Variants in ARID4A observed in about 807,000 individuals in gnomAD.
ARID4A encodes the protein AT-rich interaction domain 4A, also known as AT-rich interactive domain-containing protein 4A.
A neutral mutation model predicts 148.6 loss-of-function variants in ARID4A; 39 were observed. That is an observed-to-expected ratio of 0.26 (90% CI 0.20 to 0.34). ARID4A has a LOEUF of 0.34. Ranked by LOEUF, ARID4A falls within the 10% of genes least tolerant of loss-of-function variation. ARID4A has a pLI of 1.00. For synonymous variants in ARID4A, 475 were observed against 481.2 expected (o/e 0.99, Z 0.17); for missense variants, 1,265 against 1,449.1 (o/e 0.87, Z 2.06).
chr14:58,333,008 G>T (rs971810430), intron 11 of ARID4A, among the ~76,000 whole-genome samples: 2 of 152,078 alleles, frequency 1.3e-5, no homozygotes, highest in African/African-American at 4.8e-5. Flanking sequence ...TTAATAAGGA[G>T]ATTTGAGATT....
In ARID4A at chr14:58,339,683, G is replaced by A. The variant is rs933309989; in HGVS notation, c.907-5012G>A. On this transcript the variant is annotated intron_variant, in intron 11 of 23. Transcript: ENST00000355431. The stretch of plus-strand genomic sequence containing the variant: ...TGTCTCTGTATTACTCTGTTCTCAC[G>A]TTGTCATAAAGAACTTTGTTAGATT... Among the ~76,000 whole-genome samples the A allele has an allele frequency of 2.6e-5, 4 of 152,126 alleles. 1 individual carries two copies. The highest frequency in any genetic ancestry group is 4.2e-4 in the South Asian group (2 of 4,816).
At chr14:58,335,126 G>C (rs2033743944) in intron 11 of ARID4A, among the ~76,000 whole-genome samples, 1 of 152,020 alleles carries the variant, frequency 6.6e-6, no homozygotes, top group African/African-American at 2.4e-5. Context: ...GATCCTATTT[G>C]ACTGTTGAGT....
At chr14:58,322,857 G>T (rs1777796583) in intron 7 of ARID4A, among the ~76,000 whole-genome samples, 1 of 150,464 alleles carries the variant, frequency 6.6e-6, no homozygotes, top group Admixed American at 6.6e-5. Flanking sequence ...AGCTACTCAG[G>T]AGGCTGAGGC....
chr14:58,319,160 A>G (rs542173469), intron 7 of ARID4A, among the ~76,000 whole-genome samples: 2 of 152,184 alleles, frequency 1.3e-5, no homozygotes, highest in East Asian at 3.9e-4. Flanking sequence ...CCTGGGTTCA[A>G]GCAATTCTCC....
At chr14:58,349,408 A>T (rs1469001863) in intron 15 of ARID4A, among the ~76,000 whole-genome samples, 1 of 151,916 alleles carries the variant, frequency 6.6e-6, no homozygotes. Flanking sequence ...GCACTTTGGG[A>T]GGCCAAGGCA....
intron 19 of ARID4A, among the ~76,000 whole-genome samples, chr14:58,361,493 T>C (rs1204810906): frequency 6.6e-6 from 1 of 152,212 alleles, no homozygotes; most frequent in African/African-American, 2.4e-5. Flanking sequence ...ACTCTGAATT[T>C]ATATGCCAGC....
intron 3 of ARID4A, 119 bp downstream of exon 3, chr14:58,301,809 C>A: frequency 1.8e-6 from 1 of 565,640 alleles, no homozygotes. Context: ...ATATACCAAA[C>A]TTAAAGGAAA....
chr14:58,371,874 T>G lies in ARID4A; in HGVS notation c.3671-12T>G. 6.2e-7 allele frequency: 1 copy of G among 1,603,994 alleles called. No individual in the cohort carries two copies. Among genetic ancestry groups the G allele is most frequent in the South Asian group, 1.1e-5 (1 of 90,644 alleles). On this transcript the variant is annotated splice_polypyrimidine_tract_variant and intron_variant, in intron 23 of 23. Coordinates refer to ENST00000355431, the MANE Select transcript of ARID4A (RefSeq NM_002892.4). ...AGTTTTTGGATCTAACATAGTTGTT[T>G]TGATTCCACAGTGTCTCATGCGGGA...
At chr14:58,320,794 A>C (rs1292581764) in intron 7 of ARID4A, among the ~76,000 whole-genome samples, 1 of 151,936 alleles carries the variant, frequency 6.6e-6, no homozygotes, top group Admixed American at 6.6e-5. Flanking sequence ...TTTTTAGTAG[A>C]GACGGGATTT....
rs71107934 is a variant in ARID4A at position 58,319,521 on chromosome 14, C to CTTTTTTTTTTTTT, written c.449+743_449+755dup. Among the ~76,000 whole-genome samples, 3 of 62,096 alleles carry CTTTTTTTTTTTTT rather than the reference C, an allele frequency of 4.8e-5. 1 individual carries two copies. The highest frequency in any genetic ancestry group is 1.3e-4 in the African/African-American group (2 of 15,194). 40.7% of individuals were successfully genotyped at this position (62,096 alleles called of 152,430 possible). A position where few individuals can be genotyped will look rare whatever the true frequency, so the allele number is the denominator to read the frequency against. On this transcript the variant is annotated intron_variant, in intron 7 of 23. Coordinates refer to ENST00000355431, the MANE Select transcript of ARID4A (RefSeq NM_002892.4). ...ATCTGTGTATGAATGTCTATATACT[C>CTTTTTTTTTTTTT]TTTTTTTTTTTTTTTTTTTTTTTTT...
intron 5 of ARID4A, among the ~76,000 whole-genome samples, chr14:58,317,620 T>TTG (rs2032544001): frequency 7.9e-6 from 1 of 126,826 alleles, no homozygotes; most frequent in African/African-American, 3.0e-5. Flanking sequence ...ACCTTTATAT[T>TTG]TGTCTTTTTT....
intron 7 of ARID4A, among the ~76,000 whole-genome samples, chr14:58,319,164 A>G (rs995778349): frequency 2.6e-5 from 4 of 152,166 alleles, no homozygotes; most frequent in South Asian, 4.1e-4. Context: ...GGTTCAAGCA[A>G]TTCTCCTGCT....
intron 2 of ARID4A, among the ~76,000 whole-genome samples, chr14:58,300,459 A>G (rs746784482): frequency 1.5e-4 from 23 of 152,190 alleles, no homozygotes; most frequent in Non-Finnish European, 2.6e-4. Flanking sequence ...GCGTTCTTGA[A>G]TGCTGTGGCC....
intron 19 of ARID4A, among the ~76,000 whole-genome samples, chr14:58,362,861 A>G (rs2035194588): frequency 6.6e-6 from 1 of 152,186 alleles, no homozygotes; most frequent in African/African-American, 2.4e-5. Flanking sequence ...CCCGGCCACC[A>G]AAAAAGAAAT....
chr14:58,346,979 A>AAT, intron 13 of ARID4A, 41 bp from the exon 14 acceptor site: 1 of 399,976 alleles, frequency 2.5e-6, no homozygotes, highest in Non-Finnish European at 4.5e-6. Context: ...AAAAAGATTA[A>AAT]TTCCCTTTGC....
chr14:58,373,732 T>C lies in ARID4A; in HGVS notation c.*1743T>C, dbSNP rs1352529607. 5.9e-6 allele frequency: 1 copy of C among 169,808 alleles called. No individual in the cohort carries two copies. The highest frequency in any genetic ancestry group is 2.4e-5 in the African/African-American group (1 of 42,028). The allele number at this position is 169,808 out of a possible 1,614,324, so 10.5% of individuals were successfully genotyped here. A position where few individuals can be genotyped will look rare whatever the true frequency, so the allele number is the denominator to read the frequency against. Reference sequence around the variant, plus strand: ...ATTAATAAAGGCCATGTTTTAAACATAGGCTTTATACTTTTAGTTTTCATT... The same window carrying C: ...ATTAATAAAGGCCATGTTTTAAACACAGGCTTTATACTTTTAGTTTTCATT... On this transcript the variant is annotated 3_prime_UTR_variant, in exon 24 of 24. Transcript: ENST00000355431.
rs932418807 is a variant in ARID4A at position 58,331,999 on chromosome 14, C to G, written c.906+1830C>G. Among the ~76,000 whole-genome samples the G allele has an allele frequency of 7.7e-4, 110 of 142,570 alleles. 2 individuals are homozygous for G. The highest frequency in any genetic ancestry group is 3.6e-3 in the Middle Eastern group (1 of 278). The allele number at this position is 142,570 out of a possible 152,430, so 93.5% of individuals were successfully genotyped here. A position where few individuals can be genotyped will look rare whatever the true frequency, so the allele number is the denominator to read the frequency against. ...GTTCCAGAATGCATTTTCCCTACCC[C>G]CCCCCCCCCAAAAAACCCTGAAATT... On this transcript the variant is annotated intron_variant, in intron 11 of 23. Transcript: ENST00000355431.
chr14:58,364,245 A>G lies in ARID4A; in HGVS notation c.2156A>G (p.Asp719Gly), dbSNP rs767696968. The part of the protein sequence containing the change: ...NLINEELSLK[D>G]ELEKNENLND... ...ATAAATGAAGAACTTTCTCTTAAAG[A>G]TGAACTAGAAAAAAATGAAAATTTG... is the stretch of plus-strand genomic sequence containing the variant. Residue 719 changes from aspartate to glycine, a missense_variant, in exon 20 of 24, where the codon GAT (aspartate) becomes GGT (glycine). Transcript: ENST00000355431. The G allele has an allele frequency of 1.2e-5, 19 of 1,531,096 alleles. No homozygotes were observed. Among genetic ancestry groups the G allele is most frequent in the Middle Eastern group, 1.7e-4 (1 of 5,716 alleles). The allele number at this position is 1,531,096 out of a possible 1,614,324, so 94.8% of individuals were successfully genotyped here. A position where few individuals can be genotyped will look rare whatever the true frequency, so the allele number is the denominator to read the frequency against.
At position 58,329,492 on chromosome 14, in the gene ARID4A, A is replaced by C. The variant is rs757007582; in HGVS notation, c.663-36A>C. ...CTATTTAAGTGATAATTTTTATTGA[A>C]TAAATTGTTTTCCTCCCCTTCTTCT... On this transcript the variant is annotated intron_variant, in intron 9 of 23. Transcript: ENST00000355431. 9 of 1,363,512 alleles carry C rather than the reference A, an allele frequency of 6.6e-6. No homozygotes were observed. In the Admixed American group the frequency reaches 1.6e-4, roughly 24 times the overall value. 84.5% of individuals were successfully genotyped at this position (1,363,512 alleles called of 1,614,324 possible).
Sources: allele counts gnomAD v4.1 joint callset (sites outside exome capture counted in the v4.1 genomes callset), GRCh38; gene constraint gnomAD v4.1.1; transcripts MANE v1.5; gene names NCBI Gene and HGNC (gene_info 2026-07-23, HGNC 2026-07-21).